KCNB2: variants seen among roughly 807,000 people sequenced by gnomAD.
The protein encoded by KCNB2 is potassium voltage-gated channel subfamily B member 2, also known as delayed rectifier potassium channel protein.
KCNB2 carries 15 observed loss-of-function variants against 61.5 expected under a neutral mutation model. That is an observed-to-expected ratio of 0.24 (90% CI 0.16 to 0.38). The LOEUF (loss-of-function observed/expected upper bound fraction) is 0.38, where lower values mean the gene tolerates loss of function less well. Among genes scored for constraint, KCNB2 ranks in the 10% least tolerant of loss-of-function variants. KCNB2 has a pLI of 1.00. For synonymous variants in KCNB2, 457 were observed against 446.0 expected (o/e 1.02, Z -0.31); for missense variants, 828 against 1,125.2 (o/e 0.74, Z 3.78).
intron 2 of KCNB2, among the ~76,000 whole-genome samples, chr8:72,776,348 T>C (rs973137494): frequency 2.6e-5 from 4 of 152,106 alleles, no homozygotes; most frequent in African/African-American, 9.7e-5. Context: ...CATGTATACA[T>C]ATGTAACAAA....
At chr8:72,913,568 A>C (rs1806338589) in intron 2 of KCNB2, among the ~76,000 whole-genome samples, 1 of 152,132 alleles carries the variant, frequency 6.6e-6, no homozygotes, top group South Asian at 2.1e-4. Flanking sequence ...CATTCCTCTC[A>C]TCTCAATCCA....
At chr8:72,610,098 TA>T (rs1805514444) in intron 2 of KCNB2, among the ~76,000 whole-genome samples, 1 of 151,982 alleles carries the variant, frequency 6.6e-6, no homozygotes, top group South Asian at 2.1e-4. Context: ...AGGGTTGGGA[TA>T]AAACAACAGG....
chr8:72,830,079 G>C (rs913366076), intron 2 of KCNB2, among the ~76,000 whole-genome samples: 2 of 151,638 alleles, frequency 1.3e-5, no homozygotes, highest in East Asian at 1.9e-4. Flanking sequence ...CTTCAAAATC[G>C]TATTTCTTCT....
intron 2 of KCNB2, among the ~76,000 whole-genome samples, chr8:72,905,879 T>A (rs1381138638): frequency 1.3e-5 from 2 of 152,090 alleles, no homozygotes; most frequent in Non-Finnish European, 2.9e-5. Flanking sequence ...TCATCTAAGA[T>A]GTTTGGGATG....
At chr8:72,586,622 G>A (rs1355207921) in intron 2 of KCNB2, among the ~76,000 whole-genome samples, 2 of 152,174 alleles carry the variant, frequency 1.3e-5, no homozygotes, top group African/African-American at 2.4e-5. Flanking sequence ...TATTTCAGTT[G>A]CACAATAATC....
chr8:72,795,446 T>G (rs1035203317), intron 2 of KCNB2, among the ~76,000 whole-genome samples: 1 of 152,176 alleles, frequency 6.6e-6, no homozygotes, highest in African/African-American at 2.4e-5. Context: ...CTACTGAAAG[T>G]TGTATAATGT....
chr8:72,881,695 C>T (rs952328260), intron 2 of KCNB2: 4 of 150,162 alleles, frequency 2.7e-5, no homozygotes, highest in Non-Finnish European at 3.0e-5. Context: ...AAAGGTCTGG[C>T]TACCTCTGCC....
intron 2 of KCNB2, among the ~76,000 whole-genome samples, chr8:72,666,577 G>A (rs1806476368): frequency 6.6e-6 from 1 of 151,016 alleles, no homozygotes; most frequent in South Asian, 2.1e-4. Context: ...CTGTGGTGCT[G>A]TTTTATTCAG....
At chr8:72,557,412 T>G (rs911574893) in intron 1 of KCNB2, among the ~76,000 whole-genome samples, 3 of 152,060 alleles carry the variant, frequency 2.0e-5, no homozygotes, top group African/African-American at 7.2e-5. Context: ...TTTACTTTTC[T>G]TTATTTTTTA....
chr8:72,645,770 T>C (rs1806121322), intron 2 of KCNB2, among the ~76,000 whole-genome samples: 1 of 152,170 alleles, frequency 6.6e-6, no homozygotes, highest in Non-Finnish European at 1.5e-5. Context: ...AAACTTCAAA[T>C]GGAAACATCA....
rs752447652 is a variant in KCNB2 at position 72,725,575 on chromosome 8, GTA to G, written c.579+157272_579+157273del. ...TATATATGTATATATGTATATATAT[GTA>G]TATATATATGTATGTATATATATAT... On this transcript the variant is annotated intron_variant, in intron 2 of 2. Coordinates refer to ENST00000523207, the MANE Select transcript of KCNB2 (RefSeq NM_004770.3). 5.0e-5 allele frequency among the ~76,000 whole-genome samples: 4 copies of G among 80,484 alleles called. No homozygotes were observed. The South Asian group carries it at 1.5e-3, about 29-fold the overall frequency. 52.8% of individuals were successfully genotyped at this position (80,484 alleles called of 152,430 possible).
In KCNB2 at chr8:72,734,721, T is replaced by C. The variant is rs577591899; in HGVS notation, c.579+166408T>C. ...ACTACGTCTTGAAAGAGGAAATCAGTGTCAGTCAGTGAAGACGTGCTCTAG... is the reference window on the plus strand; with the variant it reads ...ACTACGTCTTGAAAGAGGAAATCAGCGTCAGTCAGTGAAGACGTGCTCTAG... On this transcript the variant is annotated intron_variant, in intron 2 of 2. Transcript: ENST00000523207. 3.3e-5 allele frequency among the ~76,000 whole-genome samples: 5 copies of C among 152,254 alleles called. No homozygotes were observed. The East Asian group carries it at 9.6e-4, about 29-fold the overall frequency.
At chr8:72,782,309 C>T (rs972305192) in intron 2 of KCNB2, among the ~76,000 whole-genome samples, 1 of 151,946 alleles carries the variant, frequency 6.6e-6, no homozygotes, top group African/African-American at 2.4e-5. Context: ...GTAGGGTAAA[C>T]GCACCTGATA....
intron 2 of KCNB2, among the ~76,000 whole-genome samples, chr8:72,927,616 A>G (rs1169277543): frequency 2.0e-5 from 3 of 152,024 alleles, no homozygotes; most frequent in Admixed American, 6.6e-5. Flanking sequence ...ACACTACACT[A>G]CTCAATTCTC....
intron 2 of KCNB2, among the ~76,000 whole-genome samples, chr8:72,854,738 G>A (rs919852034): frequency 6.6e-6 from 1 of 152,064 alleles, no homozygotes; most frequent in African/African-American, 2.4e-5. Flanking sequence ...GAAAAAGTGG[G>A]AGGAAGTAGA....
intron 2 of KCNB2, among the ~76,000 whole-genome samples, chr8:72,652,494 T>TCC (rs1160490113): frequency 6.6e-6 from 1 of 152,020 alleles, no homozygotes; most frequent in Non-Finnish European, 1.5e-5. Context: ...ATTTTGTCCT[T>TCC]CCCCTGTTAA....
At chr8:72,672,765 C>G (rs1006613881) in intron 2 of KCNB2, among the ~76,000 whole-genome samples, 1 of 152,030 alleles carries the variant, frequency 6.6e-6, no homozygotes, top group Non-Finnish European at 1.5e-5. Context: ...CTTCCTGACT[C>G]CTAGATAAGT....
chr8:72,693,734 G>A (rs939085603), intron 2 of KCNB2, among the ~76,000 whole-genome samples: 1 of 152,184 alleles, frequency 6.6e-6, no homozygotes, highest in Non-Finnish European at 1.5e-5. Flanking sequence ...GATGTGCCCT[G>A]AGAGGAAATA....
At chr8:72,554,231 T>G (rs961455999) in intron 1 of KCNB2, among the ~76,000 whole-genome samples, 2 of 152,142 alleles carry the variant, frequency 1.3e-5, no homozygotes, top group South Asian at 4.1e-4. Flanking sequence ...AAGGGCTACT[T>G]TACCCAATTT....
Sources: allele counts gnomAD v4.1 joint callset (sites outside exome capture counted in the v4.1 genomes callset), GRCh38; gene constraint gnomAD v4.1.1; transcripts MANE v1.5; gene names NCBI Gene and HGNC (gene_info 2026-07-23, HGNC 2026-07-21).